Variants in WDR88 observed in about 807,000 individuals in gnomAD.
WDR88 encodes the protein WD repeat-containing protein 88.
WDR88 carries 40 observed loss-of-function variants against 46.8 expected under a neutral mutation model. The ratio of observed to expected loss-of-function variants is 0.86; its 90% CI spans 0.66 to 1.11. WDR88 has a LOEUF of 1.11. Ranked by LOEUF, WDR88 falls within the 50% of genes most tolerant of loss-of-function variation. The pLI, the probability that WDR88 is intolerant of heterozygous loss-of-function variation, is 0.00. For missense variants in WDR88, 562 were observed against 602.4 expected, an observed-to-expected ratio of 0.93 and a Z score of 0.70; for synonymous variants, 235 against 240.7, an observed-to-expected ratio of 0.98 and a Z score of 0.22.
At position 33,133,893 on chromosome 19, in the gene WDR88, G is replaced by A. The variant is rs1052941678; in HGVS notation, c.276+1448G>A. On this transcript the variant is annotated intron_variant, in intron 1 of 10. Transcript: ENST00000355868. ...TGTCTCCTCCGTGCCTCATGCCATG[G>A]TCTGACATCCCCGTTCCGTCCTCAA... is the stretch of plus-strand genomic sequence containing the variant. 6.6e-5 allele frequency among the ~76,000 whole-genome samples: 10 copies of A among 152,338 alleles called. No homozygotes were observed. The South Asian group carries it at 1.7e-3, about 25-fold the overall frequency.
chr19:33,171,859 C>T (rs534914303), intron 9 of WDR88, among the ~76,000 whole-genome samples: 95 of 152,170 alleles, frequency 6.2e-4, no homozygotes, highest in African/African-American at 2.2e-3. Flanking sequence ...CTGCAACCTC[C>T]GCCTCCTGGG....
At chr19:33,150,949 G>A (rs1191333973) in intron 5 of WDR88, among the ~76,000 whole-genome samples, 2 of 152,248 alleles carry the variant, frequency 1.3e-5, no homozygotes, top group South Asian at 2.1e-4. Flanking sequence ...TGCCTGGTCC[G>A]GGGTGTCTCC....
chr19:33,163,930 A>C (rs1973912171), intron 8 of WDR88, among the ~76,000 whole-genome samples: 1 of 151,942 alleles, frequency 6.6e-6, no homozygotes, highest in Non-Finnish European at 1.5e-5. Flanking sequence ...CACTGCACTC[A>C]GCCAGCTACT....
intron 2 of WDR88, among the ~76,000 whole-genome samples, chr19:33,140,109 T>C (rs1249553329): frequency 6.6e-6 from 1 of 152,184 alleles, no homozygotes; most frequent in Admixed American, 6.6e-5. Context: ...CTGGTTTCTC[T>C]GGGAGCCTCA....
In WDR88 at chr19:33,156,432, A is replaced by G; in HGVS notation, c.887A>G (p.Asn296Ser). 2 of 1,614,104 alleles carry G rather than the reference A, an allele frequency of 1.2e-6. No homozygotes were observed. The highest frequency in any genetic ancestry group is 1.7e-6 in the Non-Finnish European group (2 of 1,180,038). ...HFLCTSSWDK[N>S]LKIWNVHTGE... ...CTGTGTACAAGCTCCTGGGATAAAA[A>G]CTTAAAAATATGGAACGTCCACACA... Residue 296 changes from asparagine (N) to serine (S), a missense_variant, in exon 7 of 11, where the codon AAC becomes AGC. By Grantham distance (46) the Asn-to-Ser change is conservative. Coordinates refer to ENST00000355868, the MANE Select transcript of WDR88 (RefSeq NM_173479.4).
intron 4 of WDR88, 83 bp downstream of exon 4, chr19:33,147,791 G>A (rs889656541): frequency 8.1e-7 from 1 of 1,242,208 alleles, no homozygotes; most frequent in African/African-American, 1.5e-5. Context: ...TGGACCCTGG[G>A]TAGGGGGAGG....
intron 6 of WDR88, 112 bp from the exon 7 acceptor site, chr19:33,156,243 A>G: frequency 9.0e-7 from 1 of 1,106,256 alleles, no homozygotes; most frequent in African/African-American, 1.6e-5. Context: ...AAGTGCTAGC[A>G]TGTGCAGCCC....
intron 9 of WDR88, among the ~76,000 whole-genome samples, chr19:33,165,278 T>C (rs923020933): frequency 1.3e-5 from 2 of 152,102 alleles, no homozygotes; most frequent in African/African-American, 4.8e-5. Context: ...TAGAGGTTTC[T>C]AAATCCAGGA....
chr19:33,172,576 A>G (rs1448107014), intron 10 of WDR88, 136 bp downstream of exon 10: 1 of 680,302 alleles, frequency 1.5e-6, no homozygotes, highest in East Asian at 2.7e-5. Context: ...GCCCCAGGGG[A>G]GCTTAAATTC....
intron 6 of WDR88, among the ~76,000 whole-genome samples, chr19:33,154,970 A>G (rs1209333412): frequency 1.3e-5 from 2 of 152,292 alleles, no homozygotes; most frequent in South Asian, 2.1e-4. Flanking sequence ...CTTCAGGTCA[A>G]ATGATTGATT....
At chr19:33,165,786 G>C (rs546826145) in intron 9 of WDR88, among the ~76,000 whole-genome samples, 1 of 151,722 alleles carries the variant, frequency 6.6e-6, no homozygotes, top group African/African-American at 2.4e-5. Flanking sequence ...CCAGCTACTC[G>C]GGAGGCTGAG....
rs777838329 is a variant in WDR88 at position 33,151,282 on chromosome 19, T to C, written c.781T>C (p.Ser261Pro). 5.0e-6 allele frequency: 8 copies of C among 1,613,564 alleles called. No individual in the cohort carries two copies. The highest frequency in any genetic ancestry group is 6.8e-6 in the Non-Finnish European group (8 of 1,179,890). ...GTGCATCAAGATCTGGGATGTTACATCCCAGGCCACGCTGCTCACCATCAC... is the reference window on the plus strand; with the variant it reads ...GTGCATCAAGATCTGGGATGTTACACCCCAGGCCACGCTGCTCACCATCAC... Reference protein sequence around the residue: ...DRCIKIWDVTSQATLLTITKA... With the variant: ...DRCIKIWDVTPQATLLTITKA... The change falls in exon 6 of 11, where the codon TCC becomes CCC. Residue 261 changes from serine to proline, a missense_variant. Transcript: ENST00000355868.
intron 5 of WDR88, among the ~76,000 whole-genome samples, chr19:33,149,670 C>CT (rs1413266991): frequency 6.2e-5 from 9 of 145,108 alleles, no homozygotes; most frequent in Non-Finnish European, 1.1e-4. Context: ...TTTTTTTTTT[C>CT]TTTTTTGAGA....
chr19:33,174,345 AG>A, intron 10 of WDR88: 1 of 1,465,378 alleles, frequency 6.8e-7, no homozygotes, highest in East Asian at 2.5e-5. Flanking sequence ...TGGAGTGGGC[AG>A]AACAGCAAAG....
chr19:33,134,341 T>A (rs1052748085), intron 1 of WDR88, among the ~76,000 whole-genome samples: 6 of 151,838 alleles, frequency 4.0e-5, no homozygotes, highest in Non-Finnish European at 7.4e-5. Flanking sequence ...ATATATTTTT[T>A]AAATTATTAA....
intron 1 of WDR88, among the ~76,000 whole-genome samples, chr19:33,135,103 C>T (rs66943234): frequency 0.55 from 81,605 of 149,186 alleles, 25,332 homozygotes; most frequent in African/African-American, 0.83. Context: ...CTCTTTTTTT[C>T]CCCCCAGTTT....
chr19:33,144,787 A>C (rs915906817), intron 2 of WDR88, 57 bp from the exon 3 acceptor site: 5 of 1,533,704 alleles, frequency 3.3e-6, no homozygotes, highest in Non-Finnish European at 4.5e-6. Flanking sequence ...TCGATTTACG[A>C]CTTCAGCAAA....
intron 6 of WDR88, among the ~76,000 whole-genome samples, chr19:33,153,644 G>A (rs775160290): frequency 1.3e-4 from 20 of 152,042 alleles, no homozygotes; most frequent in Non-Finnish European, 1.8e-4. Context: ...ACAGGCGCCC[G>A]CCACCATGCC....
intron 9 of WDR88, among the ~76,000 whole-genome samples, 200 bp downstream of exon 9, chr19:33,164,465 T>C (rs572481369): frequency 1.3e-5 from 2 of 152,348 alleles, no homozygotes; most frequent in East Asian, 3.9e-4. Context: ...TTCCAGGTAT[T>C]TCTGTGTCTG....
Sources: gnomAD v4.1 joint callset for allele counts (sites outside exome capture counted in the v4.1 genomes callset) on GRCh38, gnomAD v4.1.1 for gene constraint, MANE v1.5 for transcripts, NCBI Gene and HGNC (gene_info 2026-07-23, HGNC 2026-07-21) for gene names.